PSPC1: variants seen among roughly 807,000 people sequenced by gnomAD.
PSPC1 encodes the protein paraspeckle protein 1.
PSPC1 carries 14 observed loss-of-function variants against 51.6 expected under a neutral mutation model. The observed-to-expected ratio is 0.27, with a 90% CI of 0.18 to 0.42. PSPC1 has a LOEUF of 0.42. PSPC1 is among the 10% of genes least tolerant of loss of function. The pLI is 1.00. For missense variants in PSPC1, 406 were observed against 701.1 expected (o/e 0.58, Z 4.75); for synonymous variants, 193 against 231.9 (o/e 0.83, Z 1.53).
intron 3 of PSPC1, among the ~76,000 whole-genome samples, chr13:19,755,741 T>C (rs1211021307): frequency 6.6e-6 from 1 of 152,048 alleles, no homozygotes; most frequent in Non-Finnish European, 1.5e-5. Flanking sequence ...TCGTTATTGA[T>C]TCCTTCTGAT....
chr13:19,730,174 A>G (rs1020962232), intron 6 of PSPC1, 65 bp downstream of exon 6: 19 of 1,357,384 alleles, frequency 1.4e-5, no homozygotes, highest in Non-Finnish European at 1.9e-5. Context: ...AATCTAAAGC[A>G]TTCTAAATAT....
chr13:19,759,231 A>G (rs1042537181), intron 3 of PSPC1, 92 bp downstream of exon 3: 17 of 971,602 alleles, frequency 1.7e-5, no homozygotes, highest in Middle Eastern at 2.3e-4. Context: ...TTATATAAAT[A>G]AACAGAACAC....
intron 5 of PSPC1, among the ~76,000 whole-genome samples, 187 bp from the exon 6 acceptor site, chr13:19,730,531 C>T (rs1224064334): frequency 6.6e-6 from 1 of 151,728 alleles, no homozygotes; most frequent in Non-Finnish European, 1.5e-5. Flanking sequence ...TCAAAAAAGC[C>T]AAAGAAATAA....
chr13:19,774,235 T>C (rs1340191875), intron 1 of PSPC1, among the ~76,000 whole-genome samples: 3 of 152,188 alleles, frequency 2.0e-5, no homozygotes, highest in Non-Finnish European at 4.4e-5. Context: ...GAAGTATGTC[T>C]TTTTCATTGT....
intron 5 of PSPC1, among the ~76,000 whole-genome samples, chr13:19,739,944 C>T (rs1885263880): frequency 6.6e-6 from 1 of 151,604 alleles, no homozygotes; most frequent in Admixed American, 6.6e-5. Flanking sequence ...CTGGGCCTCA[C>T]CACTATTGTT....
At chr13:19,775,925 C>T (rs778649479) in intron 1 of PSPC1, among the ~76,000 whole-genome samples, 8 of 152,066 alleles carry the variant, frequency 5.3e-5, no homozygotes, top group Non-Finnish European at 8.8e-5. Context: ...GCAGTGTGCG[C>T]CTGTAGTCCC....
At chr13:19,705,037 C>T (rs544142728) in intron 8 of PSPC1, among the ~76,000 whole-genome samples, 3 of 152,122 alleles carry the variant, frequency 2.0e-5, no homozygotes, top group Non-Finnish European at 4.4e-5. Context: ...GGAGTCCACA[C>T]AGGAAAAGAA....
Position 19,707,210 on chromosome 13 carries a change from A to T in PSPC1, c.1217-1379T>A, listed in dbSNP as rs190544620. On this transcript the variant is annotated intron_variant, in intron 7 of 8. Transcript: ENST00000338910. ...CTTTCTCTTTAATAGAATGTAATTT[A>T]ACAATGGTGGGTTCAGAATATAACT... 4.7e-3 allele frequency among the ~76,000 whole-genome samples: 718 copies of T among 152,242 alleles called. 5 individuals are homozygous for T. Among genetic ancestry groups the T allele is most frequent in the South Asian group, 0.027 (129 of 4,816 alleles).
intron 6 of PSPC1, among the ~76,000 whole-genome samples, chr13:19,727,528 T>G (rs901493507): frequency 6.6e-6 from 1 of 152,210 alleles, no homozygotes; most frequent in African/African-American, 2.4e-5. Flanking sequence ...TAAAATAAGA[T>G]GGACGTTTGG....
chr13:19,755,309 G>A (rs1886961237), intron 3 of PSPC1, among the ~76,000 whole-genome samples: 1 of 152,070 alleles, frequency 6.6e-6, no homozygotes, highest in Admixed American at 6.6e-5. Flanking sequence ...TATTAATTAG[G>A]CTGGGCATGG....
At chr13:19,739,239 G>A (rs562206228) in intron 5 of PSPC1, among the ~76,000 whole-genome samples, 1 of 152,014 alleles carries the variant, frequency 6.6e-6, no homozygotes, top group Non-Finnish European at 1.5e-5. Flanking sequence ...TTATTCATTT[G>A]TAAGACAATT....
chr13:19,690,677 G>T (rs1399486579), intron 6 of PSPC1, among the ~76,000 whole-genome samples: 1 of 152,046 alleles, frequency 6.6e-6, no homozygotes, highest in Non-Finnish European at 1.5e-5. Context: ...CATACACCGT[G>T]ATTTTAGTTC....
intron 6 of PSPC1, among the ~76,000 whole-genome samples, chr13:19,723,524 T>C (rs1883020485): frequency 6.6e-6 from 1 of 152,224 alleles, no homozygotes; most frequent in East Asian, 1.9e-4. Context: ...CATGTTCATT[T>C]GTCCCAGTTT....
Position 19,782,350 on chromosome 13 carries a change from T to G in PSPC1, c.372+36A>C. ...CACGACCCCGCGGCCACCCCGACAGTCCTTTTGTTCCCTCGCGCGGGCGCC... is the reference window on the plus strand; with the variant it reads ...CACGACCCCGCGGCCACCCCGACAGGCCTTTTGTTCCCTCGCGCGGGCGCC... On this transcript the variant is annotated intron_variant, in intron 1 of 8. Coordinates refer to ENST00000338910, the MANE Select transcript of PSPC1 (RefSeq NM_001354909.2). The surrounding 1 kb of genome is among the most constrained non-coding windows in gnomAD (Gnocchi z 4.5). 6 of 1,542,604 alleles carry G rather than the reference T, an allele frequency of 3.9e-6. No individual in the cohort carries two copies. Among genetic ancestry groups the G allele is most frequent in the Non-Finnish European group, 5.2e-6 (6 of 1,145,196 alleles).
intron 6 of PSPC1, among the ~76,000 whole-genome samples, chr13:19,727,974 T>C (rs1883554835): frequency 6.6e-6 from 1 of 152,174 alleles, no homozygotes; most frequent in South Asian, 2.1e-4. Flanking sequence ...GTTTAATTTA[T>C]AGTTACAACA....
At chr13:19,729,514 T>C (rs972535655) in intron 6 of PSPC1, among the ~76,000 whole-genome samples, 1 of 150,556 alleles carries the variant, frequency 6.6e-6, no homozygotes, top group African/African-American at 2.5e-5. Context: ...TCCAGCCTGG[T>C]TGACAGAGCA....
intron 5 of PSPC1, among the ~76,000 whole-genome samples, chr13:19,732,195 T>C (rs1428368054): frequency 6.6e-6 from 1 of 152,204 alleles, no homozygotes; most frequent in Non-Finnish European, 1.5e-5. Flanking sequence ...TTTAAGATTG[T>C]TGTCTTACTC....
intron 2 of PSPC1, among the ~76,000 whole-genome samples, chr13:19,764,703 G>A (rs1395678193): frequency 8.0e-5 from 3 of 37,336 alleles, no homozygotes; most frequent in African/African-American, 1.2e-4. Flanking sequence ...AAAAAAAAAG[G>A]TGGCTTAAAA....
At chr13:19,747,622 C>T (rs1356383925) in intron 4 of PSPC1, among the ~76,000 whole-genome samples, 1 of 152,202 alleles carries the variant, frequency 6.6e-6, no homozygotes, top group Non-Finnish European at 1.5e-5. Flanking sequence ...TGAGCCACTA[C>T]ACCCAGCCAG....
Sources: gnomAD v4.1 joint callset for allele counts (sites outside exome capture counted in the v4.1 genomes callset) on GRCh38, gnomAD v4.1.1 for gene constraint, Gnocchi (gnomAD v3.1) non-coding constraint, MANE v1.5 for transcripts, NCBI Gene and HGNC (gene_info 2026-07-23, HGNC 2026-07-21) for gene names.